Variants in KCNMA1 observed in about 807,000 individuals in gnomAD.
KCNMA1 encodes potassium calcium-activated channel subfamily M alpha 1.
KCNMA1 carries 29 observed loss-of-function variants against 140.0 expected under a neutral mutation model. The ratio of observed to expected loss-of-function variants is 0.21; its 90% CI spans 0.15 to 0.28. KCNMA1 has a LOEUF of 0.28. Among genes scored for constraint, KCNMA1 ranks in the 10% least tolerant of loss-of-function variants. The pLI is 1.00. For missense variants in KCNMA1, 880 were observed against 1,602.2 expected, an observed-to-expected ratio of 0.55 and a Z score of 7.70; for synonymous variants, 612 against 611.9, an observed-to-expected ratio of 1.00 and a Z score of 0.00.
chr10:77,260,140 A>G (rs2061647783), intron 2 of KCNMA1, among the ~76,000 whole-genome samples: 1 of 152,130 alleles, frequency 6.6e-6, no homozygotes, highest in African/African-American at 2.4e-5. Context: ...CAGGAAGAAG[A>G]GCACCGCGGT....
intron 5 of KCNMA1, among the ~76,000 whole-genome samples, chr10:77,157,650 T>C (rs999230021): frequency 3.3e-5 from 5 of 152,166 alleles, no homozygotes; most frequent in African/African-American, 7.2e-5. Context: ...AGCACTCTTA[T>C]CTTGGGGGTT....
intron 3 of KCNMA1, among the ~76,000 whole-genome samples, chr10:77,243,081 A>G (rs1263552032): frequency 2.0e-5 from 3 of 152,128 alleles, no homozygotes; most frequent in Non-Finnish European, 4.4e-5. Flanking sequence ...GGTCTCCCCA[A>G]AGCTACATGT....
intron 2 of KCNMA1, among the ~76,000 whole-genome samples, chr10:77,381,485 G>A (rs552720381): frequency 1.2e-3 from 180 of 152,196 alleles, no homozygotes; most frequent in African/African-American, 4.0e-3. Flanking sequence ...TCCAGGCCTC[G>A]GTTTCCTTCT....
chr10:77,086,515 G>A lies in KCNMA1; in HGVS notation c.1413C>T (p.Leu471=), dbSNP rs903717178. 1 of 1,613,402 alleles carries A rather than the reference G, an allele frequency of 6.2e-7. No individual in the cohort carries two copies. The highest frequency in any genetic ancestry group is 8.5e-7 in the Non-Finnish European group (1 of 1,179,434). ...TQVEFYQGSV[L]NPHDLARVKI... ...TGACTCTTGCAAGATCATGTGGATT[G>A]AGGACGGAACCCTGATAAAATTCCA... Residue 471 remains leucine, a synonymous_variant, in exon 11 of 28, where the codon CTC becomes CTT. Transcript: ENST00000286628.
intron 1 of KCNMA1, among the ~76,000 whole-genome samples, chr10:77,429,485 G>A (rs770581176): frequency 5.6e-4 from 85 of 152,184 alleles, no homozygotes; most frequent in Middle Eastern, 3.4e-3. Flanking sequence ...TTTGAACATC[G>A]CTGGTCTACC....
chr10:77,470,049 A>G (rs1180698701), intron 1 of KCNMA1, among the ~76,000 whole-genome samples: 1 of 152,140 alleles, frequency 6.6e-6, no homozygotes, highest in African/African-American at 2.4e-5. Flanking sequence ...AGTGGTGAGA[A>G]GGAGGCCAGG....
chr10:77,515,143 C>T (rs548815019), intron 1 of KCNMA1, among the ~76,000 whole-genome samples: 45 of 152,196 alleles, frequency 3.0e-4, no homozygotes, highest in Non-Finnish European at 6.0e-4. Flanking sequence ...AAAAAGGATC[C>T]AAGGTCATGT....
downstream of KCNMA1, among the ~76,000 whole-genome samples, chr10:76,881,649 C>G (rs114017528): frequency 6.3e-3 from 965 of 152,226 alleles, 12 homozygotes; most frequent in African/African-American, 0.022. Flanking sequence ...TTAGTACTAG[C>G]CTGAGTACTA....
intron 12 of KCNMA1, among the ~76,000 whole-genome samples, chr10:77,081,627 G>A (rs982198956): frequency 2.6e-5 from 4 of 152,102 alleles, no homozygotes; most frequent in African/African-American, 7.2e-5. Flanking sequence ...AATGGATCAC[G>A]CTAAAGCCTC....
intron 20 of KCNMA1, among the ~76,000 whole-genome samples, chr10:76,965,194 G>C (rs543183883): frequency 6.6e-6 from 1 of 152,188 alleles, no homozygotes; most frequent in African/African-American, 2.4e-5. Flanking sequence ...ATTGGGCCAC[G>C]GGTGCTTGAT....
At chr10:77,059,783 C>A (rs1368725445) in intron 14 of KCNMA1, among the ~76,000 whole-genome samples, 1 of 152,040 alleles carries the variant, frequency 6.6e-6, no homozygotes, top group African/African-American at 2.4e-5. Flanking sequence ...TGAATGTTTT[C>A]CCTTGAAGAC....
At chr10:76,910,289 A>G in intron 24 of KCNMA1, 193 bp from the exon 25 acceptor site, 1 of 606,336 alleles carries the variant, frequency 1.6e-6, no homozygotes, top group Admixed American at 2.3e-5. Context: ...TCACTGTTTA[A>G]GTGTCTGAGA....
intron 25 of KCNMA1, among the ~76,000 whole-genome samples, chr10:76,906,657 T>C (rs113405794): frequency 1.3e-5 from 2 of 152,166 alleles, no homozygotes; most frequent in Non-Finnish European, 2.9e-5. Context: ...TGCTTATGAG[T>C]GAATGCCTGC....
At chr10:77,491,753 A>C (rs74140166) in intron 1 of KCNMA1, among the ~76,000 whole-genome samples, 11 of 139,980 alleles carry the variant, frequency 7.9e-5, no homozygotes, top group African/African-American at 1.1e-4. Flanking sequence ...ACACACACAC[A>C]CCCTACATAT....
At chr10:76,908,407 C>T (rs981395852) in intron 25 of KCNMA1, among the ~76,000 whole-genome samples, 5 of 152,214 alleles carry the variant, frequency 3.3e-5, no homozygotes, top group Non-Finnish European at 4.4e-5. Context: ...TGGCATGAAG[C>T]CCAGTTAACC....
At chr10:77,364,954 G>A (rs2094247686) in intron 2 of KCNMA1, among the ~76,000 whole-genome samples, 1 of 152,196 alleles carries the variant, frequency 6.6e-6, no homozygotes, top group Non-Finnish European at 1.5e-5. Flanking sequence ...TACAAAGCTA[G>A]TCCTTTTCCA....
intron 19 of KCNMA1, among the ~76,000 whole-genome samples, chr10:76,999,367 C>T (rs1444321446): frequency 6.6e-6 from 1 of 152,186 alleles, no homozygotes; most frequent in Non-Finnish European, 1.5e-5. Flanking sequence ...TTTCTTTTCT[C>T]CACTGAGTCT....
chr10:76,903,002 T>G (rs757167902), intron 25 of KCNMA1: 1 of 152,168 alleles, frequency 6.6e-6, no homozygotes, highest in Non-Finnish European at 1.5e-5. Flanking sequence ...AACACAAGGG[T>G]GGCCCGCTTG....
At chr10:76,875,037 G>A (rs904763314), downstream of KCNMA1, 3 of 152,290 alleles carry the variant, frequency 2.0e-5, no homozygotes, top group Non-Finnish European at 4.4e-5. Flanking sequence ...CAGAAAGACA[G>A]ACTGTTGCAG....
Sources: allele counts gnomAD v4.1 joint callset (sites outside exome capture counted in the v4.1 genomes callset), GRCh38; gene constraint gnomAD v4.1.1; transcripts MANE v1.5; gene names NCBI Gene and HGNC (gene_info 2026-07-23, HGNC 2026-07-21).